Variants in REV3L observed in about 807,000 individuals in gnomAD.
The protein encoded by REV3L is DNA polymerase zeta catalytic subunit.
A neutral mutation model predicts 299.4 loss-of-function variants in REV3L; 69 were observed. The ratio of observed to expected loss-of-function variants is 0.23; its 90% CI spans 0.19 to 0.28. The LOEUF (loss-of-function observed/expected upper bound fraction) is 0.28. REV3L is among the 10% of genes least tolerant of loss of function. REV3L has a pLI of 1.00. For missense variants in REV3L, 3,128 were observed against 3,693.8 expected (o/e 0.85, Z 3.97); for synonymous variants, 1,238 against 1,271.4 (o/e 0.97, Z 0.56).
At chr6:111,359,882 T>A (rs1038641436) in intron 16 of REV3L, among the ~76,000 whole-genome samples, 1 of 152,212 alleles carries the variant, frequency 6.6e-6, no homozygotes, top group African/African-American at 2.4e-5. Context: ...TTATCTTGCA[T>A]GCAAACTGTT....
rs561818863 is a variant in REV3L, at chr6:111,425,750, C to T, written c.140-9278G>A. ...GACTTACTGGACAAAGATTTTAAGCCAGCTATTTCAAAAAACTAAAAGAAA... is the reference window on the plus strand; with the variant it reads ...GACTTACTGGACAAAGATTTTAAGCTAGCTATTTCAAAAAACTAAAAGAAA... On this transcript the variant is annotated intron_variant, in intron 1 of 31. Transcript: ENST00000368802. Among the ~76,000 whole-genome samples, 9 of 151,830 alleles carry T rather than the reference C, an allele frequency of 5.9e-5. No homozygotes were observed. The South Asian group carries it at 1.7e-3, about 28-fold the overall frequency.
At chr6:111,399,348 T>C (rs982430538) in intron 4 of REV3L, among the ~76,000 whole-genome samples, 12 of 152,188 alleles carry the variant, frequency 7.9e-5, no homozygotes, top group African/African-American at 2.9e-4. Context: ...AGTTTCCATA[T>C]ACCAGACACC....
At chr6:111,378,464 T>G (rs538185141) in intron 11 of REV3L, among the ~76,000 whole-genome samples, 1 of 152,206 alleles carries the variant, frequency 6.6e-6, no homozygotes, top group East Asian at 1.9e-4. Flanking sequence ...GAACTGTTTT[T>G]CCATTAAGCC....
intron 31 of REV3L, among the ~76,000 whole-genome samples, chr6:111,305,495 G>A (rs972704437): frequency 1.3e-5 from 2 of 152,110 alleles, no homozygotes; most frequent in African/African-American, 4.8e-5. Context: ...GCTGAGCTGA[G>A]AGGATCACTT....
At chr6:111,381,685 CTACT>C (rs1021134031) in intron 9 of REV3L, among the ~76,000 whole-genome samples, 1 of 152,066 alleles carries the variant, frequency 6.6e-6, no homozygotes, top group Non-Finnish European at 1.5e-5. Context: ...CTCTTTAATC[CTACT>C]TAATGTGTGT....
intron 31 of REV3L, among the ~76,000 whole-genome samples, chr6:111,303,615 C>T (rs1178118727): frequency 6.7e-6 from 1 of 148,830 alleles, no homozygotes; most frequent in East Asian, 2.0e-4. Context: ...GATCCTCCTG[C>T]CTCAGCCTCC....
chr6:111,369,201 GA>G (rs1300899974), intron 13 of REV3L, among the ~76,000 whole-genome samples: 15 of 146,258 alleles, frequency 1.0e-4, no homozygotes, highest in African/African-American at 3.1e-4. Context: ...AGAATGGCGT[GA>G]ACCAGGGAGG....
chr6:111,461,992 G>A (rs1790826480), intron 1 of REV3L, among the ~76,000 whole-genome samples: 1 of 151,978 alleles, frequency 6.6e-6, no homozygotes, highest in Admixed American at 6.6e-5. Flanking sequence ...TTATCAGACT[G>A]GATAAACAAG....
intron 4 of REV3L, among the ~76,000 whole-genome samples, chr6:111,395,411 C>T (rs895646981): frequency 6.6e-6 from 1 of 152,048 alleles, no homozygotes; most frequent in African/African-American, 2.4e-5. Context: ...TCTAGTTTTC[C>T]TCCTATACAA....
At chr6:111,416,601 C>A in intron 1 of REV3L, 129 bp from the exon 2 acceptor site, 1 of 715,578 alleles carries the variant, frequency 1.4e-6, no homozygotes, top group Non-Finnish European at 2.3e-6. Flanking sequence ...AAAAAATTAA[C>A]CCATAGTTCA....
chr6:111,445,072 A>G (rs551346305), intron 1 of REV3L, among the ~76,000 whole-genome samples: 10 of 152,378 alleles, frequency 6.6e-5, no homozygotes, highest in Non-Finnish European at 1.5e-4. Context: ...GGAGAGAAAT[A>G]TAAGAAGCTC....
At chr6:111,302,513 G>A (rs1034862225) in intron 31 of REV3L, among the ~76,000 whole-genome samples, 21 of 152,094 alleles carry the variant, frequency 1.4e-4, no homozygotes, top group African/African-American at 2.7e-4. Flanking sequence ...GCCCCAACCC[G>A]GACATCTACT....
intron 4 of REV3L, among the ~76,000 whole-genome samples, chr6:111,397,838 T>C (rs1406224942): frequency 1.3e-5 from 2 of 151,962 alleles, no homozygotes; most frequent in African/African-American, 2.4e-5. Context: ...GATCTCACTA[T>C]GTTACCTGAG....
chr6:111,444,994 C>T (rs937241251), intron 1 of REV3L, among the ~76,000 whole-genome samples: 2 of 152,172 alleles, frequency 1.3e-5, no homozygotes, highest in Non-Finnish European at 2.9e-5. Context: ...GAGAACTAAC[C>T]TAGGCAGTCA....
chr6:111,470,761 C>T (rs1205984330), intron 1 of REV3L, among the ~76,000 whole-genome samples: 1 of 152,156 alleles, frequency 6.6e-6, no homozygotes, highest in African/African-American at 2.4e-5. Flanking sequence ...GAGCAGATCA[C>T]CTGAGGTCAG....
Position 111,357,027 on chromosome 6 carries a change from T to C in REV3L, c.7171A>G (p.Asn2391Asp), listed in dbSNP as rs2114975479. 6.3e-7 allele frequency: 1 copy of C among 1,587,298 alleles called. No homozygotes were observed. Among genetic ancestry groups the C allele is most frequent in the Non-Finnish European group, 8.6e-7 (1 of 1,162,242 alleles). The change falls in exon 18 of 32, where the codon AAT (asparagine) becomes GAT (aspartate). Residue 2391 changes from asparagine (N) to aspartate (D), a missense_variant. This residue lies in a region of REV3L where 82 missense variants were observed against 142.7 expected (regional missense o/e 0.57). Coordinates refer to ENST00000368802, the MANE Select transcript of REV3L (RefSeq NM_001372078.1). Reference sequence around the variant, plus strand: ...ACAAAACAATACCTCTTTATTATATTTGCAATTTCATGAAAAAGTGCCTTC... The same window carrying C: ...ACAAAACAATACCTCTTTATTATATCTGCAATTTCATGAAAAAGTGCCTTC... ...DEKALFHEIA[N>D]IIKRYDPDIL...
chr6:111,304,942 CTTTT>C (rs748453480), intron 31 of REV3L, among the ~76,000 whole-genome samples: 2 of 136,352 alleles, frequency 1.5e-5, no homozygotes, highest in Non-Finnish European at 3.2e-5. Flanking sequence ...GTTCTTTGTT[CTTTT>C]TTTTTTTTTT....
intron 20 of REV3L, among the ~76,000 whole-genome samples, chr6:111,345,048 G>A (rs1033529211): frequency 6.6e-6 from 1 of 152,156 alleles, no homozygotes; most frequent in African/African-American, 2.4e-5. Flanking sequence ...CTCATAGGTT[G>A]TAAAAAGGTA....
At chr6:111,310,181 A>C (rs1450874155) in intron 29 of REV3L, 82 bp from the exon 30 acceptor site, 3 of 1,432,484 alleles carry the variant, frequency 2.1e-6, no homozygotes, top group Non-Finnish European at 2.8e-6. Flanking sequence ...AGAATTAAAC[A>C]ATAATAAAAC....
Sources: gnomAD v4.1 joint callset for allele counts (sites outside exome capture counted in the v4.1 genomes callset) on GRCh38, gnomAD v4.1.1 for gene constraint, gnomAD v4.1.1 regional missense constraint, MANE v1.5 for transcripts, NCBI Gene and HGNC (gene_info 2026-07-23, HGNC 2026-07-21) for gene names.